The following KLB variants were observed in gnomAD, a reference collection of about 807,000 sequenced individuals.
KLB encodes the protein beta-klotho.
KLB carries 44 observed loss-of-function variants against 88.4 expected under a neutral mutation model. The observed-to-expected ratio is 0.50, with a 90% confidence interval of 0.39 to 0.64. KLB has a LOEUF of 0.64. KLB is among the 30% of genes least tolerant of loss of function. The pLI is 0.00. For synonymous variants in KLB, 548 were observed against 513.4 expected, an observed-to-expected ratio of 1.07 and a Z score of -0.91; for missense variants, 1,137 against 1,304.8, an observed-to-expected ratio of 0.87 and a Z score of 1.98.
chr4:39,420,137 C>T (rs1230697996), intron 1 of KLB, among the ~76,000 whole-genome samples: 3 of 151,834 alleles, frequency 2.0e-5, no homozygotes, highest in African/African-American at 7.3e-5. Flanking sequence ...AGTAGTGTTA[C>T]TTGAAAATGT....
Position 39,446,272 on chromosome 4 carries a change from G to A in KLB, c.1606-60G>A. 1 of 1,479,756 alleles carries A rather than the reference G, an allele frequency of 6.8e-7. No individual in the cohort carries two copies. The highest frequency in any genetic ancestry group is 9.2e-7 in the Non-Finnish European group (1 of 1,087,790). The allele number at this position is 1,479,756 out of a possible 1,614,324, so 91.7% of individuals were successfully genotyped here. A position where few individuals can be genotyped will look rare whatever the true frequency, so the allele number is the denominator to read the frequency against. On this transcript the variant is annotated intron_variant, in intron 3 of 4. Coordinates refer to ENST00000257408, the MANE Select transcript of KLB (RefSeq NM_175737.4). The surrounding 1 kb of genome is among the most constrained non-coding windows in gnomAD (Gnocchi z 6.4). ...GCACTTTGGGAGGCAGAGGTAGGCA[G>A]ATCACTTGAGCCTCCATCTGCCAGC...
chr4:39,426,283 T>G (rs965940551), intron 1 of KLB, among the ~76,000 whole-genome samples: 1 of 148,674 alleles, frequency 6.7e-6, no homozygotes, highest in South Asian at 2.1e-4. Context: ...GGTGTGGTGG[T>G]GCATGCTTAT....
In KLB at chr4:39,449,589, ATATC is replaced by A. The variant is rs1233166705; in HGVS notation, c.*906_*909del. ...CTAACAACAAAAAATCACCTATAGA[ATATC>A]TAATTTGTGATCTTTTACTAGATCT... On this transcript the variant is annotated 3_prime_UTR_variant, in exon 5 of 5. Transcript: ENST00000257408. 5.3e-5 allele frequency: 8 copies of A among 152,166 alleles called. No individual in the cohort carries two copies. Among genetic ancestry groups the A allele is most frequent in the African/African-American group, 1.9e-4 (8 of 41,440 alleles). The allele number at this position is 152,166 out of a possible 1,614,324, so 9.4% of individuals were successfully genotyped here.
chr4:39,423,694 A>G (rs1251285220), intron 1 of KLB, among the ~76,000 whole-genome samples: 2 of 151,814 alleles, frequency 1.3e-5, no homozygotes, highest in African/African-American at 2.4e-5. Flanking sequence ...CATTCAACAA[A>G]TATTCTAGGC....
intron 1 of KLB, among the ~76,000 whole-genome samples, chr4:39,422,009 G>A (rs1578204252): frequency 1.3e-5 from 2 of 152,126 alleles, no homozygotes. Flanking sequence ...GCCTCCCAAA[G>A]TGTTGGAATT....
intron 2 of KLB, among the ~76,000 whole-genome samples, chr4:39,436,090 G>A (rs1053913445): frequency 6.6e-6 from 1 of 152,190 alleles, no homozygotes; most frequent in Non-Finnish European, 1.5e-5. Flanking sequence ...TCTACAGGTG[G>A]CTGATAGAAA....
At chr4:39,419,323 G>A (rs1743029109) in intron 1 of KLB, among the ~76,000 whole-genome samples, 1 of 152,130 alleles carries the variant, frequency 6.6e-6, no homozygotes, top group African/African-American at 2.4e-5. Context: ...TGGAAAATCA[G>A]ACCCAAATGG....
chr4:39,445,504 C>CTTTTTT, intron 3 of KLB, among the ~76,000 whole-genome samples: 1 of 131,700 alleles, frequency 7.6e-6, no homozygotes, highest in East Asian at 2.2e-4. Context: ...CTTTTCTTTT[C>CTTTTTT]TTTTTTTTTT....
chr4:39,422,630 C>T (rs2109826779), intron 1 of KLB, among the ~76,000 whole-genome samples: 1 of 152,220 alleles, frequency 6.6e-6, no homozygotes, highest in African/African-American at 2.4e-5. Context: ...TTCTATGGCT[C>T]TTATTTCCAT....
In KLB at chr4:39,447,329, G is replaced by T. The variant is rs1743777062; in HGVS notation, c.2603G>T (p.Gly868Val). ...ACGCGCCTGGCTGTGATTCCCTGGG[G>T]GGTGCGCAAGCTGCTGCGGTGGGTC... ...SPTRLAVIPW[G>V]VRKLLRWVRR... is the part of the protein sequence containing the mutation. The change falls in exon 4 of 5, where the codon GGG (glycine) becomes GTG (valine). Residue 868 changes from glycine to valine, a missense_variant. By Grantham distance (109) the Gly-to-Val change is moderately radical. Around this residue, in one of 4 missense-constraint regions of KLB, gnomAD observed 426 missense variants for 404.6 expected, o/e 1.05. Transcript: ENST00000257408. 1 of 1,614,050 alleles carries T rather than the reference G, an allele frequency of 6.2e-7. No individual in the cohort carries two copies. The highest frequency in any genetic ancestry group is 8.5e-7 in the Non-Finnish European group (1 of 1,180,048).
In KLB at chr4:39,448,928, G is replaced by A; in HGVS notation, c.*242G>A. On this transcript the variant is annotated 3_prime_UTR_variant, in exon 5 of 5. Transcript: ENST00000257408. ...TGACAGTAAGCTATGAGGATTACATGCTACATTGCTTCTTAAAGTTTCATC... is the reference window on the plus strand; with the variant it reads ...TGACAGTAAGCTATGAGGATTACATACTACATTGCTTCTTAAAGTTTCATC... The A allele has an allele frequency of 2.3e-6, 1 of 430,400 alleles. No individual in the cohort carries two copies. Among genetic ancestry groups the A allele is most frequent in the Non-Finnish European group, 4.1e-6 (1 of 242,686 alleles). The allele number at this position is 430,400 out of a possible 1,614,324, so 26.7% of individuals were successfully genotyped here.
At position 39,439,497 on chromosome 4, in the gene KLB, G is replaced by A. The variant is rs1346926899; in HGVS notation, c.1605+1502G>A. 7.3e-5 allele frequency among the ~76,000 whole-genome samples: 11 copies of A among 151,546 alleles called. 1 individual carries two copies. Among genetic ancestry groups the A allele is most frequent in the Non-Finnish European group, 1.3e-4 (9 of 67,906 alleles). On this transcript the variant is annotated intron_variant, in intron 3 of 4. Transcript: ENST00000257408. ...GTTTTTGTTTTTGAGACAGAGTCTC[G>A]CTCTGTTGCCCAGGCTGGAGTGCAG...
intron 1 of KLB, among the ~76,000 whole-genome samples, chr4:39,423,882 A>G (rs946688222): frequency 6.6e-6 from 1 of 151,650 alleles, no homozygotes. Context: ...GGAGACAAAA[A>G]TCAGTACAAA....
Position 39,446,803 on chromosome 4 carries a change from G to T in KLB, c.2077G>T (p.Glu693Ter). The T allele has an allele frequency of 6.2e-7, 1 of 1,612,732 alleles. No homozygotes were observed. The highest frequency in any genetic ancestry group is 8.5e-7 in the Non-Finnish European group (1 of 1,179,682). ...GGTGAAGCTCTGGATCACCATCAAC[G>T]AGCCTAACCGGCTAAGTGACATCTA... ...DLVKLWITIN[E>*]PNRLSDIYNR... Residue 693 changes from glutamate (E) to a stop codon, truncating the protein, a stop_gained, in exon 4 of 5, where the codon GAG (glutamate) becomes TAG (stop). Coordinates refer to ENST00000257408, the MANE Select transcript of KLB (RefSeq NM_175737.4). LOFTEE classifies it high-confidence loss of function. This position sits in a 1 kb window ranked among gnomAD's most constrained non-coding sequence, Gnocchi z 6.4.
chr4:39,426,768 G>T (rs2687986), intron 1 of KLB, among the ~76,000 whole-genome samples: 92,016 of 151,452 alleles, frequency 0.61, 29,317 homozygotes, highest in Admixed American at 0.71. Flanking sequence ...GCTCATTGCA[G>T]CCTTGACCTC....
Position 39,407,095 on chromosome 4 carries a change from C to T in KLB, c.146C>T (p.Ala49Val). The T allele has an allele frequency of 1.2e-6, 2 of 1,614,084 alleles. No individual in the cohort carries two copies. The highest frequency in any genetic ancestry group is 8.5e-7 in the Non-Finnish European group (1 of 1,179,948). Residue 49 changes from alanine (A) to valine (V), a missense_variant, in exon 1 of 5, where the codon GCT (alanine) becomes GTT (valine). Physicochemically the swap from Ala to Val is moderately conservative, Grantham distance 64. Transcript: ENST00000257408. ...CTGTCAGCACTTATTCTGCTACGAGCTGTTACTGGATTCTCTGGAGATGGA... is the reference window on the plus strand; with the variant it reads ...CTGTCAGCACTTATTCTGCTACGAGTTGTTACTGGATTCTCTGGAGATGGA... ...VILSALILLR[A>V]VTGFSGDGRA...
intron 1 of KLB, among the ~76,000 whole-genome samples, chr4:39,423,183 A>T (rs1384640798): frequency 6.6e-6 from 1 of 151,906 alleles, no homozygotes; most frequent in Non-Finnish European, 1.5e-5. Flanking sequence ...AAAATAATCC[A>T]ACGCTAACGT....
rs1005245215 is a variant in KLB, at chr4:39,446,601, C to A, written c.1875C>A (p.Cys625Ter). 1 of 1,614,102 alleles carries A rather than the reference C, an allele frequency of 6.2e-7. No individual in the cohort carries two copies. The highest frequency in any genetic ancestry group is 8.5e-7 in the Non-Finnish European group (1 of 1,179,958). ...VNRQALRYYR[C>*]VVSEGLKLGI... Reference sequence around the variant, plus strand: ...GACAGGCCCTGAGGTACTACAGGTGCGTGGTCAGTGAGGGGCTGAAGCTTG... The same window carrying A: ...GACAGGCCCTGAGGTACTACAGGTGAGTGGTCAGTGAGGGGCTGAAGCTTG... Residue 625 changes from cysteine to a stop codon, truncating the protein, a stop_gained, in exon 4 of 5, where the codon TGC (cysteine) becomes TGA (stop). Coordinates refer to ENST00000257408, the MANE Select transcript of KLB (RefSeq NM_175737.4). LOFTEE classifies it high-confidence loss of function. The surrounding 1 kb of genome is among the most constrained non-coding windows in gnomAD (Gnocchi z 6.4).
rs1469449405 is a variant in KLB, at chr4:39,450,901, C to G, written c.*2215C>G. On this transcript the variant is annotated 3_prime_UTR_variant, in exon 5 of 5. Transcript: ENST00000257408. The stretch of plus-strand genomic sequence containing the variant: ...GGTTAGCCACAGGAATAACAAAAAC[C>G]TGGAATTTATCTTTCAGGTTTTGCT... 6.6e-6 allele frequency: 1 copy of G among 150,808 alleles called. No individual in the cohort carries two copies. The highest frequency in any genetic ancestry group is 2.4e-5 in the African/African-American group (1 of 41,058). The allele number at this position is 150,808 out of a possible 1,614,324, so 9.3% of individuals were successfully genotyped here.
Sources: allele counts gnomAD v4.1 joint callset (sites outside exome capture counted in the v4.1 genomes callset), GRCh38; gene constraint gnomAD v4.1.1; regional missense constraint gnomAD v4.1.1; non-coding constraint Gnocchi (gnomAD v3.1); transcripts MANE v1.5; gene names NCBI Gene and HGNC (gene_info 2026-07-23, HGNC 2026-07-21).